LIN52: variants seen among roughly 807,000 people sequenced by gnomAD.
The protein encoded by LIN52 is protein lin-52 homolog.
Under a neutral mutation model 18.5 loss-of-function variants are expected in LIN52, and 4 were observed. The ratio of observed to expected loss-of-function variants is 0.22; its 90% CI spans 0.11 to 0.49. LIN52 has a LOEUF of 0.49. Ranked by LOEUF, LIN52 falls within the 20% of genes least tolerant of loss-of-function variation. LIN52 has a pLI of 0.97. For missense variants in LIN52, 102 were observed against 139.5 expected, an observed-to-expected ratio of 0.73 and a Z score of 1.35; for synonymous variants, 34 against 45.5, an observed-to-expected ratio of 0.75 and a Z score of 1.02.
intron 5 of LIN52, among the ~76,000 whole-genome samples, chr14:74,127,467 A>C (rs1176103980): frequency 6.6e-6 from 1 of 152,188 alleles, no homozygotes; most frequent in Non-Finnish European, 1.5e-5. Context: ...GGTGAGATAG[A>C]CAGGTTGGCT....
intron 5 of LIN52, among the ~76,000 whole-genome samples, chr14:74,120,095 C>T (rs1361826273): frequency 6.6e-6 from 1 of 151,834 alleles, no homozygotes; most frequent in Non-Finnish European, 1.5e-5. Context: ...CTCGGCCTCC[C>T]AAAGTGCTGG....
intron 1 of LIN52, among the ~76,000 whole-genome samples, chr14:74,089,550 T>C (rs1244824010): frequency 6.6e-6 from 1 of 151,946 alleles, no homozygotes; most frequent in Non-Finnish European, 1.5e-5. Flanking sequence ...TTGCTTTTTG[T>C]AGAGATGGGT....
At chr14:74,191,606 T>A (rs1312598990) in intron 5 of LIN52, among the ~76,000 whole-genome samples, 1 of 152,082 alleles carries the variant, frequency 6.6e-6, no homozygotes, top group African/African-American at 2.4e-5. Flanking sequence ...GCACATTGAT[T>A]TAAACTAAAC....
intron 5 of LIN52, among the ~76,000 whole-genome samples, chr14:74,140,214 G>A (rs940349492): frequency 1.3e-5 from 2 of 152,044 alleles, no homozygotes; most frequent in Non-Finnish European, 2.9e-5. Context: ...ATTTAAAGGC[G>A]ACTCCTTACC....
chr14:74,178,351 G>A (rs149160809), intron 5 of LIN52, among the ~76,000 whole-genome samples: 6 of 152,126 alleles, frequency 3.9e-5, no homozygotes, highest in African/African-American at 1.4e-4. Context: ...ATTGTCTTTT[G>A]GCCATTGACT....
rs954093530 is a variant in LIN52, at chr14:74,162,563, GA to G, written c.284-36350del. ...TTCCTTATTTATTTATTTTTTTATT[GA>G]AAAAAAAATATTAGAGATGGGGTAT... On this transcript the variant is annotated intron_variant, in intron 5 of 5. Transcript: ENST00000555028. Among the ~76,000 whole-genome samples, 172 of 135,770 alleles carry G rather than the reference GA, an allele frequency of 1.3e-3. 1 individual carries two copies. The East Asian group carries it at 0.016, about 13-fold the overall frequency. The allele number at this position is 135,770 out of a possible 152,430, so 89.1% of individuals were successfully genotyped here. A position where few individuals can be genotyped will look rare whatever the true frequency, so the allele number is the denominator to read the frequency against.
chr14:74,164,701 G>C (rs1289769764), intron 5 of LIN52, among the ~76,000 whole-genome samples: 1 of 152,100 alleles, frequency 6.6e-6, no homozygotes, highest in Non-Finnish European at 1.5e-5. Context: ...TGGGGAATCT[G>C]ATCAGCCCAA....
chr14:74,097,909 T>G (rs535384157), intron 4 of LIN52, 49 bp downstream of exon 4: 25 of 1,364,018 alleles, frequency 1.8e-5, no homozygotes, highest in Non-Finnish European at 2.5e-5. Flanking sequence ...TGTTTTTCCA[T>G]AGACCACCTC....
intron 5 of LIN52, among the ~76,000 whole-genome samples, chr14:74,177,679 A>G (rs2061300017): frequency 6.6e-6 from 1 of 152,214 alleles, no homozygotes; most frequent in South Asian, 2.1e-4. Context: ...AGAATGATGT[A>G]TTGTGAATTC....
chr14:74,101,085 C>T, intron 4 of LIN52, 70 bp from the exon 5 acceptor site: 5 of 1,283,836 alleles, frequency 3.9e-6, no homozygotes, highest in Non-Finnish European at 5.6e-6. Flanking sequence ...ACAAGAGTTC[C>T]CAACCCAAGG....
chr14:74,139,215 A>G (rs1456414136), intron 5 of LIN52, among the ~76,000 whole-genome samples: 1 of 152,216 alleles, frequency 6.6e-6, no homozygotes, highest in Non-Finnish European at 1.5e-5. Context: ...CTGCAAAATA[A>G]TGTAATTGTT....
chr14:74,160,243 C>A (rs542081583), intron 5 of LIN52, among the ~76,000 whole-genome samples: 1 of 152,298 alleles, frequency 6.6e-6, no homozygotes, highest in East Asian at 1.9e-4. Flanking sequence ...AAGATGCCAT[C>A]TACAAGCCAA....
intron 5 of LIN52, among the ~76,000 whole-genome samples, chr14:74,147,429 T>G (rs1208653224): frequency 6.6e-6 from 1 of 152,182 alleles, no homozygotes; most frequent in Non-Finnish European, 1.5e-5. Context: ...TTCTTAGATA[T>G]GATACCAAAA....
chr14:74,169,662 A>G (rs2061262881), intron 5 of LIN52, among the ~76,000 whole-genome samples: 1 of 152,234 alleles, frequency 6.6e-6, no homozygotes, highest in Admixed American at 6.5e-5. Context: ...TCACACATAA[A>G]TAGTTCAATG....
chr14:74,132,600 C>T (rs926544268), intron 5 of LIN52, among the ~76,000 whole-genome samples: 3 of 152,274 alleles, frequency 2.0e-5, no homozygotes, highest in African/African-American at 7.2e-5. Context: ...CCTCCGCCTC[C>T]CCGGCTTAAG....
At chr14:74,103,632 A>G (rs1294693278) in intron 5 of LIN52, among the ~76,000 whole-genome samples, 1 of 141,354 alleles carries the variant, frequency 7.1e-6, no homozygotes, top group South Asian at 2.2e-4. Context: ...GGGTTTTTCC[A>G]TGTTGGTCAG....
chr14:74,097,736 A>C lies in LIN52; in HGVS notation c.133-58A>C, dbSNP rs78041043. On this transcript the variant is annotated intron_variant, in intron 3 of 5. Coordinates refer to ENST00000555028, the MANE Select transcript of LIN52 (RefSeq NM_001024674.3). ...GGCCCAGGCTACACTTCTTATAAGA[A>C]TAATAGGGTCTCCTCACACTTTTTA... 775 of 1,279,596 alleles carry C rather than the reference A, an allele frequency of 6.1e-4. 6 individuals carry two copies. In the African/African-American group the frequency reaches 0.01, roughly 17 times the overall value. The allele number at this position is 1,279,596 out of a possible 1,614,324, so 79.3% of individuals were successfully genotyped here. A position where few individuals can be genotyped will look rare whatever the true frequency, so the allele number is the denominator to read the frequency against.
chr14:74,095,195 A>C (rs1197965674), intron 2 of LIN52, among the ~76,000 whole-genome samples: 1 of 117,322 alleles, frequency 8.5e-6, no homozygotes, highest in Non-Finnish European at 1.7e-5. Context: ...TCTGTTGCCC[A>C]GTTTGGAGTG....
chr14:74,197,784 T>G (rs1048122385), intron 5 of LIN52, among the ~76,000 whole-genome samples: 35 of 152,316 alleles, frequency 2.3e-4, no homozygotes, highest in African/African-American at 8.2e-4. Context: ...AGTTTTTATT[T>G]CTTCATTGTA....
Sources: allele counts gnomAD v4.1 joint callset (sites outside exome capture counted in the v4.1 genomes callset), GRCh38; gene constraint gnomAD v4.1.1; transcripts MANE v1.5; gene names NCBI Gene and HGNC (gene_info 2026-07-23, HGNC 2026-07-21).